The following AMPD3 variants were observed in gnomAD, a reference collection of about 807,000 sequenced individuals.
The protein encoded by AMPD3 is adenosine monophosphate deaminase 3, also known as AMP deaminase 3.
AMPD3 carries 57 observed loss-of-function variants against 82.3 expected under a neutral mutation model. The observed-to-expected ratio is 0.69, with a 90% CI of 0.56 to 0.86. The LOEUF is 0.86. Ranked by LOEUF, AMPD3 falls within the 40% of genes least tolerant of loss-of-function variation. The pLI is 0.00. For synonymous variants in AMPD3, 381 were observed against 394.7 expected (o/e 0.97, Z 0.41); for missense variants, 870 against 1,003.8 (o/e 0.87, Z 1.80).
At chr11:10,475,114 G>C (rs947403467) in intron 2 of AMPD3, among the ~76,000 whole-genome samples, 1 of 152,226 alleles carries the variant, frequency 6.6e-6, no homozygotes, top group African/African-American at 2.4e-5. Context: ...GGCAGCATCT[G>C]CTTCTGAGGA....
At chr11:10,458,807 G>A (rs186631296) in intron 1 of AMPD3, among the ~76,000 whole-genome samples, 1 of 152,184 alleles carries the variant, frequency 6.6e-6, no homozygotes, top group African/African-American at 2.4e-5. Flanking sequence ...ATTTGTAGAA[G>A]TAAAGTTGCT....
At chr11:10,487,426 C>G (rs1849107432) in intron 6 of AMPD3, 62 bp downstream of exon 6, 3 of 1,605,568 alleles carry the variant, frequency 1.9e-6, no homozygotes, top group Non-Finnish European at 1.7e-6. Context: ...CCATGGGATG[C>G]CCTGAGCCAG....
chr11:10,453,650 G>A (rs952996157), upstream of AMPD3, among the ~76,000 whole-genome samples: 3 of 151,706 alleles, frequency 2.0e-5, no homozygotes, highest in Admixed American at 6.6e-5. Context: ...GTGCAGTGGT[G>A]CAATGTCAGC....
At position 10,470,433 on chromosome 11, in the gene AMPD3, C is replaced by T. The variant is rs1848556140; in HGVS notation, c.222-8093C>T. ...ACAAGTATGCCCTCTCTCACCACTC[C>T]TATTCAACATAGTATTGGAAGTTCT... On this transcript the variant is annotated intron_variant, in intron 2 of 14. Transcript: ENST00000396553. Among the ~76,000 whole-genome samples the T allele has an allele frequency of 2.0e-5, 3 of 152,190 alleles. No homozygotes were observed. In the South Asian group the frequency reaches 6.2e-4, roughly 32 times the overall value.
intron 3 of AMPD3, chr11:10,480,056 G>A (rs1256115331): frequency 3.7e-6 from 3 of 800,534 alleles, no homozygotes; most frequent in Non-Finnish European, 4.5e-6. Flanking sequence ...GCATATAATA[G>A]CTTCTTTCTC....
intron 8 of AMPD3, 138 bp from the exon 9 acceptor site, chr11:10,495,432 C>T: frequency 6.5e-7 from 1 of 1,547,240 alleles, no homozygotes; most frequent in Non-Finnish European, 8.7e-7. Flanking sequence ...AGCAGGCAGC[C>T]CTGGGGATTT....
intron 6 of AMPD3, among the ~76,000 whole-genome samples, chr11:10,492,699 G>A (rs1052722034): frequency 2.0e-4 from 31 of 152,324 alleles, no homozygotes; most frequent in East Asian, 1.7e-3. Flanking sequence ...TAGTGAAAGC[G>A]TAGACACACA....
intron 3 of AMPD3, 101 bp downstream of exon 3, chr11:10,478,831 T>G: frequency 7.8e-7 from 1 of 1,282,612 alleles, no homozygotes; most frequent in East Asian, 2.5e-5. Flanking sequence ...GCCCTGTCCG[T>G]GGATGTCTGG....
chr11:10,463,330 G>T (rs1848325882), intron 2 of AMPD3, among the ~76,000 whole-genome samples: 1 of 152,222 alleles, frequency 6.6e-6, no homozygotes, highest in Non-Finnish European at 1.5e-5. Flanking sequence ...AAAGGATGGT[G>T]AGCCCATAAA....
At chr11:10,482,265 C>T (rs768852568) in intron 4 of AMPD3, 40 bp downstream of exon 4, 1 of 1,605,570 alleles carries the variant, frequency 6.2e-7, no homozygotes, top group Non-Finnish European at 8.5e-7. Flanking sequence ...CAAGTGTGGG[C>T]AGACCGAGAG....
intron 7 of AMPD3, among the ~76,000 whole-genome samples, chr11:10,494,118 G>C (rs1365089188): frequency 2.0e-5 from 3 of 152,162 alleles, no homozygotes; most frequent in Non-Finnish European, 4.4e-5. Flanking sequence ...ACAAAATGTG[G>C]TATATCCATA....
At chr11:10,500,797 C>G (rs994837492) in intron 11 of AMPD3, 11 of 985,326 alleles carry the variant, frequency 1.1e-5, no homozygotes, top group African/African-American at 3.5e-5. Flanking sequence ...TACCAATACG[C>G]ACACAGACGA....
chr11:10,477,587 G>A (rs1317192300), intron 2 of AMPD3, among the ~76,000 whole-genome samples: 6 of 152,164 alleles, frequency 3.9e-5, no homozygotes, highest in African/African-American at 1.4e-4. Context: ...CCAACCTTGG[G>A]CCCAAGAGCC....
intron 3 of AMPD3, chr11:10,479,826 A>C: frequency 1.2e-6 from 1 of 853,714 alleles, no homozygotes; most frequent in Non-Finnish European, 1.4e-6. Flanking sequence ...AAATATGTAC[A>C]TAGTATTCCT....
chr11:10,487,453 T>C, intron 6 of AMPD3, 89 bp downstream of exon 6: 1 of 1,587,678 alleles, frequency 6.3e-7, no homozygotes, highest in Non-Finnish European at 8.6e-7. Context: ...GCTTGTCCCC[T>C]GTGAGAACTT....
chr11:10,497,900 A>G, intron 10 of AMPD3: 1 of 943,006 alleles, frequency 1.1e-6, no homozygotes, highest in South Asian at 4.9e-5. Flanking sequence ...TGTTAACAGT[A>G]AGCGGAATTA....
chr11:10,477,927 G>A, intron 2 of AMPD3: 1 of 985,434 alleles, frequency 1.0e-6, no homozygotes, highest in Non-Finnish European at 1.2e-6. Flanking sequence ...TTGGATGGCG[G>A]TCGCTAGTCC....
At chr11:10,495,064 A>G (rs1242372961) in intron 8 of AMPD3, 34 bp downstream of exon 8, 4 of 1,613,588 alleles carry the variant, frequency 2.5e-6, no homozygotes, top group Admixed American at 3.3e-5. Context: ...GAGGCCTCTC[A>G]GGTGCCTCCC....
At chr11:10,489,905 T>C (rs1231125013) in intron 6 of AMPD3, among the ~76,000 whole-genome samples, 1 of 152,188 alleles carries the variant, frequency 6.6e-6, no homozygotes, top group African/African-American at 2.4e-5. Context: ...GGCCCCGAAC[T>C]CTCAGCCTCA....
Sources: gnomAD v4.1 joint callset for allele counts (sites outside exome capture counted in the v4.1 genomes callset) on GRCh38, gnomAD v4.1.1 for gene constraint, MANE v1.5 for transcripts, NCBI Gene and HGNC (gene_info 2026-07-23, HGNC 2026-07-21) for gene names.